Variants in DDX39A observed in about 807,000 individuals in gnomAD.
DDX39A encodes the protein ATP-dependent RNA helicase DDX39A.
In DDX39A, 13 loss-of-function variants were observed where a neutral mutation model predicts 46.3. That is an observed-to-expected ratio of 0.28 (90% CI 0.18 to 0.45). DDX39A has a LOEUF of 0.45. Among genes scored for constraint, DDX39A ranks in the 20% least tolerant of loss-of-function variants. The probability of loss-of-function intolerance (pLI) is 1.00; values close to 1 mark genes in which losing one functional copy is unlikely to be tolerated. For missense variants in DDX39A, 352 were observed against 581.8 expected, an observed-to-expected ratio of 0.61 and a Z score of 4.06; for synonymous variants, 234 against 224.6, an observed-to-expected ratio of 1.04 and a Z score of -0.38.
intron 1 of DDX39A, chr19:14,418,910 C>A (rs1169731143): frequency 1.8e-5 from 8 of 456,140 alleles, no homozygotes; most frequent in Non-Finnish European, 3.5e-5. Flanking sequence ...CCCACCCAGG[C>A]CCCAGACCCC....
At position 14,409,199 on chromosome 19, in the gene DDX39A, G is replaced by C. The variant is rs376478700; in HGVS notation, c.1120-15C>G. 3.2e-5 allele frequency: 52 copies of C among 1,614,154 alleles called. No individual in the cohort carries two copies. In the African/African-American group the frequency reaches 5.6e-4, roughly 17 times the overall value. On this transcript the variant is annotated splice_polypyrimidine_tract_variant and intron_variant, in intron 9 of 10. Coordinates refer to ENST00000242776, the MANE Select transcript of DDX39A (RefSeq NM_005804.4). The surrounding 1 kb of genome is among the most constrained non-coding windows in gnomAD (Gnocchi z 8.3). ...GCCCGGGCCACCTGCAGGCAGACAGGATCAGGGTCAGGCCACAGATACTAC... is the reference window on the plus strand; with the variant it reads ...GCCCGGGCCACCTGCAGGCAGACAGCATCAGGGTCAGGCCACAGATACTAC...
chr19:14,409,647 T>C lies in DDX39A; in HGVS notation c.865-2A>G. The C allele has an allele frequency of 6.2e-7, 1 of 1,608,958 alleles. No homozygotes were observed. The highest frequency in any genetic ancestry group is 8.5e-7 in the Non-Finnish European group (1 of 1,176,458). ...CACTGACTTGACGAAGATTATCACC[T>C]GAGGGAAGGAGTGGCAGTCAGGGCC... On this transcript the variant is annotated splice_acceptor_variant, in intron 7 of 10. Coordinates refer to ENST00000242776, the MANE Select transcript of DDX39A (RefSeq NM_005804.4). LOFTEE classifies it high-confidence loss of function. The surrounding 1 kb of genome is among the most constrained non-coding windows in gnomAD (Gnocchi z 8.3).
chr19:14,415,814 G>A, intron 1 of DDX39A: 1 of 152,532 alleles, frequency 6.6e-6, no homozygotes, highest in Non-Finnish European at 1.5e-5. Flanking sequence ...GCTCACACCT[G>A]TAATCCCAGC....
chr19:14,417,326 T>C (rs527767493), intron 1 of DDX39A, among the ~76,000 whole-genome samples: 1 of 151,610 alleles, frequency 6.6e-6, no homozygotes, highest in Admixed American at 6.6e-5. Context: ...GGTGGGGAAA[T>C]AAATTTGGGG....
Position 14,410,909 on chromosome 19 carries a change from C to T in DDX39A, c.613+80G>A, listed in dbSNP as rs1976560620. 5 of 1,353,440 alleles carry T rather than the reference C, an allele frequency of 3.7e-6. No homozygotes were observed. In the South Asian group the frequency reaches 4.6e-5, roughly 12 times the overall value. 83.8% of individuals were successfully genotyped at this position (1,353,440 alleles called of 1,614,324 possible). On this transcript the variant is annotated intron_variant, in intron 5 of 10. Transcript: ENST00000242776. The surrounding 1 kb of genome is among the most constrained non-coding windows in gnomAD (Gnocchi z 4.3). ...CCCGCCTGCCGGCCGCCCATGTAAC[C>T]CACTCAAGAGCCTTCCGCCTGCTAT...
In DDX39A at chr19:14,410,204, C is replaced by A. The variant is rs759822202; in HGVS notation, c.732+12G>T. The A allele has an allele frequency of 1.9e-6, 3 of 1,611,658 alleles. No homozygotes were observed. The highest frequency in any genetic ancestry group is 4.5e-5 in the East Asian group (2 of 44,866). ...TGGGGAAGGCCAAAGCTGCCACTCTCGCCCTACTCACATCCTGCATGAACT... is the reference window on the plus strand; with the variant it reads ...TGGGGAAGGCCAAAGCTGCCACTCTAGCCCTACTCACATCCTGCATGAACT... On this transcript the variant is annotated intron_variant, in intron 6 of 10. Transcript: ENST00000242776. The surrounding 1 kb of genome is among the most constrained non-coding windows in gnomAD (Gnocchi z 4.3).
In DDX39A at chr19:14,411,029, G is replaced by A. The variant is rs749529313; in HGVS notation, c.573C>T (p.His191=). The change falls in exon 5 of 11, where the codon CAC becomes CAT. Residue 191 remains histidine (H), a synonymous_variant. Transcript: ENST00000242776. The surrounding 1 kb of genome is among the most constrained non-coding windows in gnomAD (Gnocchi z 4.1). ...TCTTGTCACACTCGTCCAGCACAAA[G>A]TGCTTCACATTCTTTAGGCTGAAGC... ...NRSFSLKNVK[H]FVLDECDKML... is the part of the protein sequence containing the mutation. 6.2e-7 allele frequency: 1 copy of A among 1,607,944 alleles called. No homozygotes were observed. The highest frequency in any genetic ancestry group is 1.1e-5 in the South Asian group (1 of 90,506).
Position 14,409,004 on chromosome 19 carries a change from CCCCAGACCCCTGG to C in DDX39A, c.1267+20_1267+32del. ...GAAGGGCCGGGGGAGGAACCCTCTGCCCCAGACCCCTGGCCCTGCCCAAGGCACTTACTGTATG... is the reference window on the plus strand; with the variant it reads ...GAAGGGCCGGGGGAGGAACCCTCTGCCCCTGCCCAAGGCACTTACTGTATG... On this transcript the variant is annotated intron_variant, in intron 10 of 10. Coordinates refer to ENST00000242776, the MANE Select transcript of DDX39A (RefSeq NM_005804.4). The surrounding 1 kb of genome is among the most constrained non-coding windows in gnomAD (Gnocchi z 8.3). 1 of 1,613,708 alleles carries C rather than the reference CCCCAGACCCCTGG, an allele frequency of 6.2e-7. No individual in the cohort carries two copies. Among genetic ancestry groups the C allele is most frequent in the East Asian group, 2.2e-5 (1 of 44,860 alleles).
chr19:14,413,299 T>G, intron 1 of DDX39A, 75 bp from the exon 2 acceptor site: 1 of 1,352,868 alleles, frequency 7.4e-7, no homozygotes, highest in Non-Finnish European at 1.0e-6. Context: ...TGGCATTCTC[T>G]GCCGCCTCCT....
Position 14,412,849 on chromosome 19 carries a change from A to ACTGC in DDX39A, c.208+160_208+163dup, listed in dbSNP as rs1976649345. The ACTGC allele has an allele frequency of 8.0e-7, 1 of 1,253,458 alleles. No individual in the cohort carries two copies. The highest frequency in any genetic ancestry group is 2.6e-5 in the Admixed American group (1 of 39,092). 77.6% of individuals were successfully genotyped at this position (1,253,458 alleles called of 1,614,324 possible). A position where few individuals can be genotyped will look rare whatever the true frequency, so the allele number is the denominator to read the frequency against. On this transcript the variant is annotated intron_variant, in intron 2 of 10. Coordinates refer to ENST00000242776, the MANE Select transcript of DDX39A (RefSeq NM_005804.4). This position sits in a 1 kb window ranked among gnomAD's most constrained non-coding sequence, Gnocchi z 4.4. ...CCGCCTGGTCAAAGCAGAACGCCCC[A>ACTGC]CTGCCGAGGGCAGCCACAGGCCCCG... is the stretch of plus-strand genomic sequence containing the variant.
intron 1 of DDX39A, among the ~76,000 whole-genome samples, chr19:14,417,918 C>T (rs1311955722): frequency 6.6e-6 from 1 of 151,668 alleles, no homozygotes; most frequent in African/African-American, 2.4e-5. Flanking sequence ...GCCTGTAATC[C>T]CAGCACTTTG....
In DDX39A at chr19:14,411,044, T is replaced by G. The variant is rs1047698254; in HGVS notation, c.558A>C (p.Leu186=). The G allele has an allele frequency of 6.2e-7, 1 of 1,611,526 alleles. No homozygotes were observed. Among genetic ancestry groups the G allele is most frequent in the African/African-American group, 1.3e-5 (1 of 74,910 alleles). The change falls in exon 5 of 11, where the codon CTA becomes CTC. Residue 186 remains leucine, a synonymous_variant. Coordinates refer to ENST00000242776, the MANE Select transcript of DDX39A (RefSeq NM_005804.4). The surrounding 1 kb of genome is among the most constrained non-coding windows in gnomAD (Gnocchi z 4.1). The part of the protein sequence containing the change: ...LALVRNRSFS[L]KNVKHFVLDE... ...CCAGCACAAAGTGCTTCACATTCTT[T>G]AGGCTGAAGCTCCTATTCCGCACGA... is the stretch of plus-strand genomic sequence containing the variant.
rs1976563949 is a variant in DDX39A at position 14,410,975 on chromosome 19, G to A, written c.613+14C>T. The A allele has an allele frequency of 6.5e-7, 1 of 1,546,772 alleles. No homozygotes were observed. Among genetic ancestry groups the A allele is most frequent in the African/African-American group, 1.4e-5 (1 of 72,740 alleles). Reference sequence around the variant, plus strand: ...ACTGACTCTCAGCTGGGGCTGCAAGGGCAGAGGACTCACCCAGCTGCTCCA... The same window carrying A: ...ACTGACTCTCAGCTGGGGCTGCAAGAGCAGAGGACTCACCCAGCTGCTCCA... On this transcript the variant is annotated intron_variant, in intron 5 of 10. Transcript: ENST00000242776. The surrounding 1 kb of genome is among the most constrained non-coding windows in gnomAD (Gnocchi z 4.3).
chr19:14,414,481 T>G (rs971517881), intron 1 of DDX39A, among the ~76,000 whole-genome samples: 4 of 149,676 alleles, frequency 2.7e-5, no homozygotes, highest in African/African-American at 9.7e-5. Context: ...CTCCTGAGTA[T>G]CTGGGATTAC....
chr19:14,410,930 G>A lies in DDX39A; in HGVS notation c.613+59C>T. On this transcript the variant is annotated intron_variant, in intron 5 of 10. Transcript: ENST00000242776. This position sits in a 1 kb window ranked among gnomAD's most constrained non-coding sequence, Gnocchi z 4.3. ...TAACCCACTCAAGAGCCTTCCGCCT[G>A]CTATGGGGCCCGCCTAGTCACTGAC... 2 of 1,465,770 alleles carry A rather than the reference G, an allele frequency of 1.4e-6. No individual in the cohort carries two copies. The highest frequency in any genetic ancestry group is 1.8e-6 in the Non-Finnish European group (2 of 1,102,490). The allele number at this position is 1,465,770 out of a possible 1,614,324, so 90.8% of individuals were successfully genotyped here.
Position 14,410,504 on chromosome 19 carries a change from G to T in DDX39A, c.614-170C>A. 1.6e-6 allele frequency: 1 copy of T among 640,516 alleles called. No individual in the cohort carries two copies. The highest frequency in any genetic ancestry group is 1.7e-5 in the South Asian group (1 of 57,790). The allele number at this position is 640,516 out of a possible 1,614,324, so 39.7% of individuals were successfully genotyped here. A position where few individuals can be genotyped will look rare whatever the true frequency, so the allele number is the denominator to read the frequency against. ...GTCCTGGTGCCTGAGGGGCTGGGGG[G>T]TGGCCAGCGAGCGCAGGCGCGGGAG... On this transcript the variant is annotated intron_variant, in intron 5 of 10. Transcript: ENST00000242776. The surrounding 1 kb of genome is among the most constrained non-coding windows in gnomAD (Gnocchi z 4.3).
chr19:14,414,600 C>T (rs933411283), intron 1 of DDX39A, among the ~76,000 whole-genome samples: 1 of 149,666 alleles, frequency 6.7e-6, no homozygotes, highest in Non-Finnish European at 1.5e-5. Context: ...CTACCCACCT[C>T]AGCCTCCTAA....
Position 14,409,602 on chromosome 19 carries a change from G to T in DDX39A, c.908C>A (p.Ala303Asp). Residue 303 changes from alanine to aspartate, a missense_variant, in exon 8 of 11, where the codon GCC (alanine) becomes GAC (aspartate). By Grantham distance (126) the Ala-to-Asp change is moderately radical (BLOSUM62 -2). Coordinates refer to ENST00000242776, the MANE Select transcript of DDX39A (RefSeq NM_005804.4). This position sits in a 1 kb window ranked among gnomAD's most constrained non-coding sequence, Gnocchi z 8.3. ...VKSVQRCMAL[A>D]QLLVEQNFPA... Reference sequence around the variant, plus strand: ...GAAGTTCTGCTCCACGAGGAGCTGGGCCAGGGCCATGCAGCGCTGCACTGA... The same window carrying T: ...GAAGTTCTGCTCCACGAGGAGCTGGTCCAGGGCCATGCAGCGCTGCACTGA... 1 of 1,612,112 alleles carries T rather than the reference G, an allele frequency of 6.2e-7. No homozygotes were observed.
In DDX39A at chr19:14,411,853, C is replaced by T. The variant is rs1321357132; in HGVS notation, c.337-255G>A. On this transcript the variant is annotated intron_variant, in intron 3 of 10. Coordinates refer to ENST00000242776, the MANE Select transcript of DDX39A (RefSeq NM_005804.4). The surrounding 1 kb of genome is among the most constrained non-coding windows in gnomAD (Gnocchi z 4.1). ...ACAGAAAATGGAACAGAAAATGGCCCGCATAATGTAATGGTTAGACCTGGC... is the reference window on the plus strand; with the variant it reads ...ACAGAAAATGGAACAGAAAATGGCCTGCATAATGTAATGGTTAGACCTGGC... Among the ~76,000 whole-genome samples the T allele has an allele frequency of 2.0e-5, 3 of 152,130 alleles. No individual in the cohort carries two copies. In the East Asian group the frequency reaches 5.8e-4, roughly 29 times the overall value.
Sources: allele counts gnomAD v4.1 joint callset (sites outside exome capture counted in the v4.1 genomes callset), GRCh38; gene constraint gnomAD v4.1.1; non-coding constraint Gnocchi (gnomAD v3.1); transcripts MANE v1.5; gene names NCBI Gene and HGNC (gene_info 2026-07-23, HGNC 2026-07-21).